The following SAMD5 variants were observed in gnomAD, a reference collection of about 807,000 sequenced individuals.
SAMD5 encodes the protein sterile alpha motif domain containing 5, also known as sterile alpha motif domain-containing protein 5.
SAMD5 carries 13 observed loss-of-function variants against 11.3 expected under a neutral mutation model. The ratio of observed to expected loss-of-function variants is 1.15; its 90% CI spans 0.75 to 1.83. The LOEUF (loss-of-function observed/expected upper bound fraction) is 1.83. Among genes scored for constraint, SAMD5 ranks in the 40% most tolerant of loss-of-function variants. SAMD5 has a pLI of 0.00. For missense variants in SAMD5, 255 were observed against 239.1 expected (o/e 1.07, Z -0.44); for synonymous variants, 129 against 111.3 (o/e 1.16, Z -1.00).
chr6:147,932,343 T>C, the SAMD5 span, among the ~76,000 whole-genome samples: 1 of 152,004 alleles, frequency 6.6e-6, no homozygotes, highest in Non-Finnish European at 1.5e-5. Context: ...ACTCACAAAC[T>C]AGTAGGCTCA....
At chr6:147,555,565 C>T (rs112472757) in intron 1 of SAMD5, among the ~76,000 whole-genome samples, 11 of 152,192 alleles carry the variant, frequency 7.2e-5, no homozygotes, top group African/African-American at 2.6e-4. Context: ...GATATTAACA[C>T]ATGGAATTTT....
the SAMD5 span, among the ~76,000 whole-genome samples, chr6:147,861,583 C>G: frequency 6.6e-6 from 1 of 152,184 alleles, no homozygotes; most frequent in Non-Finnish European, 1.5e-5. Context: ...AAGACAAACT[C>G]ATTTTCATTA....
chr6:147,592,751 GC>G (rs1185450803), intron 1 of SAMD5, among the ~76,000 whole-genome samples: 1 of 152,102 alleles, frequency 6.6e-6, no homozygotes, highest in Non-Finnish European at 1.5e-5. Flanking sequence ...TTGAAAGGAT[GC>G]ATGGAGAATG....
chr6:147,652,180 T>C (rs4895719), intron 1 of SAMD5, among the ~76,000 whole-genome samples: 13,543 of 152,244 alleles, frequency 0.089, 894 homozygotes, highest in East Asian at 0.26. Flanking sequence ...ACAAAGTGTG[T>C]CATCTTTCTG....
chr6:147,910,137 T>A, the SAMD5 span, among the ~76,000 whole-genome samples: 1 of 152,132 alleles, frequency 6.6e-6, no homozygotes, highest in African/African-American at 2.4e-5. Flanking sequence ...AGGGTTTTTT[T>A]AATGTTCTCA....
chr6:147,815,616 T>A, the SAMD5 span, among the ~76,000 whole-genome samples: 15 of 152,230 alleles, frequency 9.9e-5, no homozygotes, highest in Non-Finnish European at 2.1e-4. Flanking sequence ...GCTTTCTTTC[T>A]TTGTTTAATA....
Position 147,715,673 on chromosome 6 carries a change from C to T in SAMD5, c.163-21644C>T, listed in dbSNP as rs150490597. 5.3e-5 allele frequency among the ~76,000 whole-genome samples: 8 copies of T among 152,298 alleles called. No homozygotes were observed. The East Asian group carries it at 7.7e-4, about 15-fold the overall frequency. ...TGGCAGGTCCCAAGTTCTCGTCCTGCGTCCAGGAAGAATGAAGTATGTGGA... is the reference window on the plus strand; with the variant it reads ...TGGCAGGTCCCAAGTTCTCGTCCTGTGTCCAGGAAGAATGAAGTATGTGGA... On this transcript the variant is annotated intron_variant, in intron 1 of 1. Transcript: ENST00000566741.
At chr6:147,797,939 C>T in the SAMD5 span, among the ~76,000 whole-genome samples, 2 of 150,634 alleles carry the variant, frequency 1.3e-5, no homozygotes, top group Non-Finnish European at 3.0e-5. Flanking sequence ...TTTATTGTGT[C>T]TATTTGATTC....
At chr6:147,777,971 G>A in the SAMD5 span, among the ~76,000 whole-genome samples, 6 of 152,216 alleles carry the variant, frequency 3.9e-5, 1 homozygote, top group South Asian at 6.2e-4. Context: ...TGATATGGAC[G>A]TGGATGTATA....
At chr6:147,690,091 G>T (rs1027203983) in intron 1 of SAMD5, among the ~76,000 whole-genome samples, 1 of 152,132 alleles carries the variant, frequency 6.6e-6, no homozygotes, top group Non-Finnish European at 1.5e-5. Context: ...TCAAAATGTT[G>T]TTGGAGACAT....
the SAMD5 span, among the ~76,000 whole-genome samples, chr6:147,888,601 G>T: frequency 1.3e-5 from 2 of 151,970 alleles, no homozygotes; most frequent in African/African-American, 4.8e-5. Context: ...GATTTTCTTT[G>T]GCCAGCCACT....
At chr6:147,840,724 T>C in the SAMD5 span, among the ~76,000 whole-genome samples, 1 of 152,232 alleles carries the variant, frequency 6.6e-6, no homozygotes, top group Non-Finnish European at 1.5e-5. Context: ...TCTTTATTGG[T>C]AAAAGAGAGG....
At chr6:147,686,964 A>G (rs1205122809) in intron 1 of SAMD5, among the ~76,000 whole-genome samples, 3 of 152,002 alleles carry the variant, frequency 2.0e-5, no homozygotes, top group Non-Finnish European at 4.4e-5. Context: ...ATTCTTTACA[A>G]TATTTTTGGC....
chr6:147,628,130 T>C (rs949785658), intron 1 of SAMD5, among the ~76,000 whole-genome samples: 7 of 152,218 alleles, frequency 4.6e-5, no homozygotes, highest in African/African-American at 1.7e-4. Context: ...TTTTCCCTAA[T>C]GTTGATGAAG....
At chr6:147,547,121 G>A (rs374171563) in intron 1 of SAMD5, among the ~76,000 whole-genome samples, 10 of 152,296 alleles carry the variant, frequency 6.6e-5, no homozygotes, top group Admixed American at 2.0e-4. Context: ...TTCTGAAGGT[G>A]GGAAAGAGTC....
chr6:147,609,734 GT>G (rs1789754236), intron 1 of SAMD5, among the ~76,000 whole-genome samples: 1 of 151,546 alleles, frequency 6.6e-6, no homozygotes, highest in Non-Finnish European at 1.5e-5. Context: ...TTTTTTGAAT[GT>G]TTAGTAGAAA....
At chr6:147,640,454 G>C (rs1442102480) in intron 1 of SAMD5, among the ~76,000 whole-genome samples, 1 of 123,478 alleles carries the variant, frequency 8.1e-6, no homozygotes, top group Non-Finnish European at 1.6e-5. Flanking sequence ...CTGAGATCAC[G>C]CCACTGTCCT....
the SAMD5 span, among the ~76,000 whole-genome samples, chr6:147,860,633 C>T: frequency 2.0e-5 from 3 of 152,226 alleles, no homozygotes; most frequent in African/African-American, 7.2e-5. Flanking sequence ...AGGCTGATCA[C>T]ATCCCCACAT....
chr6:147,523,998 C>A (rs750403817), intron 1 of SAMD5, among the ~76,000 whole-genome samples: 1 of 152,148 alleles, frequency 6.6e-6, no homozygotes, highest in African/African-American at 2.4e-5. Context: ...CTCTTTGAGA[C>A]CTACTTCATT....
Sources: gnomAD v4.1 joint callset for allele counts (sites outside exome capture counted in the v4.1 genomes callset) on GRCh38, gnomAD v4.1.1 for gene constraint, MANE v1.5 for transcripts, NCBI Gene and HGNC (gene_info 2026-07-23, HGNC 2026-07-21) for gene names.